The following SKP1 variants were observed in gnomAD, a reference collection of about 807,000 sequenced individuals.
SKP1 encodes the protein S-phase kinase-associated protein 1.
In SKP1, 1 loss-of-function variant was observed where a neutral mutation model predicts 21.5. The ratio of observed to expected loss-of-function variants is 0.05; its 90% confidence interval spans 0.02 to 0.22. The LOEUF (loss-of-function observed/expected upper bound fraction) is 0.22. Ranked by LOEUF, SKP1 falls within the 10% of genes least tolerant of loss-of-function variation. The pLI is 1.00. For missense variants in SKP1, 70 were observed against 192.0 expected (o/e 0.36, Z 3.76); for synonymous variants, 59 against 59.3 (o/e 0.99, Z 0.03).
At chr5:134,159,076 T>A (rs1761170752) in intron 4 of SKP1, among the ~76,000 whole-genome samples, 1 of 152,256 alleles carries the variant, frequency 6.6e-6, no homozygotes, top group African/African-American at 2.4e-5. Flanking sequence ...GTTAATTTCA[T>A]CTTTTACTAG....
chr5:134,163,309 G>A lies in SKP1; in HGVS notation c.172-2179C>T, dbSNP rs146672690. The stretch of plus-strand genomic sequence containing the variant: ...GGATATATAAAGAAACTAATGCCTA[G>A]GTTCACAACGGGTGGTGCCAGTAAA... On this transcript the variant is annotated intron_variant, in intron 3 of 5. Coordinates refer to ENST00000353411, the MANE Select transcript of SKP1 (RefSeq NM_170679.3). Among the ~76,000 whole-genome samples, 581 of 151,066 alleles carry A rather than the reference G, an allele frequency of 3.8e-3. 2 individuals are homozygous for A. Among genetic ancestry groups the A allele is most frequent in the African/African-American group, 0.014 (566 of 41,178 alleles).
chr5:134,160,142 G>A (rs186368069), intron 4 of SKP1, among the ~76,000 whole-genome samples: 20 of 151,918 alleles, frequency 1.3e-4, no homozygotes, highest in Admixed American at 6.5e-4. Context: ...GATCACCTGA[G>A]GTCAGGAGTT....
rs763981517 is a variant in SKP1, at chr5:134,174,002, C to T, written c.21G>A (p.Gln7=). Residue 7 remains glutamine, a synonymous_variant, in exon 2 of 6, where the codon CAG becomes CAA. Transcript: ENST00000353411. ...CTTCAAATATCTCTCCATCAGAACT[C>T]TGCAACTTAATTGAAGGCATCTAAA... MPSIKL[Q]SSDGEIFEVD... 5 of 1,606,198 alleles carry T rather than the reference C, an allele frequency of 3.1e-6. No individual in the cohort carries two copies. The highest frequency in any genetic ancestry group is 1.1e-5 in the South Asian group (1 of 90,830).
Position 134,157,629 on chromosome 5 carries a change from G to T in SKP1, c.*104C>A. The T allele has an allele frequency of 1.0e-6, 1 of 972,564 alleles. No homozygotes were observed. Among genetic ancestry groups the T allele is most frequent in the Non-Finnish European group, 1.7e-6 (1 of 598,766 alleles). The allele number at this position is 972,564 out of a possible 1,614,324, so 60.2% of individuals were successfully genotyped here. On this transcript the variant is annotated 3_prime_UTR_variant, in exon 6 of 6. Coordinates refer to ENST00000353411, the MANE Select transcript of SKP1 (RefSeq NM_170679.3). Reference sequence around the variant, plus strand: ...ATTCTGCTAATACAATTGACTTGCTGCTGCATTTGTCTACTGTTTGTCTAA... The same window carrying T: ...ATTCTGCTAATACAATTGACTTGCTTCTGCATTTGTCTACTGTTTGTCTAA...
chr5:134,172,809 G>A (rs1412702138), intron 2 of SKP1, among the ~76,000 whole-genome samples: 10 of 151,836 alleles, frequency 6.6e-5, no homozygotes, highest in African/African-American at 1.5e-4. Flanking sequence ...TCAGAAGATC[G>A]AGACCAGCCT....
rs561604590 is a variant in SKP1, at chr5:134,156,879, T to C, written c.*854A>G. ...CAAAAGCAAACTTAACTACCTACTA[T>C]ATAACTTACTTTTTATTGAAAGTAT... On this transcript the variant is annotated 3_prime_UTR_variant, in exon 6 of 6. Transcript: ENST00000353411. The C allele has an allele frequency of 2.0e-5, 3 of 152,800 alleles. No individual in the cohort carries two copies. In the South Asian group the frequency reaches 6.2e-4, roughly 32 times the overall value. 9.5% of individuals were successfully genotyped at this position (152,800 alleles called of 1,614,324 possible). A position where few individuals can be genotyped will look rare whatever the true frequency, so the allele number is the denominator to read the frequency against.
rs561542829 is a variant in SKP1, at chr5:134,151,499, T to A, written c.*6234A>T. On this transcript the variant is annotated 3_prime_UTR_variant, in exon 6 of 6. Coordinates refer to ENST00000353411, the MANE Select transcript of SKP1 (RefSeq NM_170679.3). ...GTACATTCAGGAAAGAAAGGACAAA[T>A]AAGAATTTTCACCAGATAGGTGGGA... is the stretch of plus-strand genomic sequence containing the variant. The A allele has an allele frequency of 5.2e-4, 169 of 323,480 alleles. No individual in the cohort carries two copies. The highest frequency in any genetic ancestry group is 3.3e-3 in the African/African-American group (151 of 46,078). The allele number at this position is 323,480 out of a possible 1,614,324, so 20.0% of individuals were successfully genotyped here. A position where few individuals can be genotyped will look rare whatever the true frequency, so the allele number is the denominator to read the frequency against.
chr5:134,170,567 A>G (rs937964658), intron 2 of SKP1, among the ~76,000 whole-genome samples: 1 of 152,228 alleles, frequency 6.6e-6, no homozygotes, highest in Admixed American at 6.5e-5. Context: ...ATAACCAGAG[A>G]TACTGCAGGT....
intron 3 of SKP1, among the ~76,000 whole-genome samples, chr5:134,165,352 G>C (rs891123807): frequency 2.0e-5 from 3 of 152,216 alleles, no homozygotes; most frequent in Admixed American, 6.5e-5. Context: ...CACTTTGGGA[G>C]GCCAAAGCAG....
In SKP1 at chr5:134,161,286, A is replaced by C. The variant is rs1580926082; in HGVS notation, c.172-156T>G. Reference sequence around the variant, plus strand: ...TGAAAAACAAAAATGAAGCTTGAAGAATCATTATAACCCTAGAAGGGAGAA... The same window carrying C: ...TGAAAAACAAAAATGAAGCTTGAAGCATCATTATAACCCTAGAAGGGAGAA... On this transcript the variant is annotated intron_variant, in intron 3 of 5. Transcript: ENST00000353411. The C allele has an allele frequency of 6.8e-6, 4 of 591,170 alleles. No homozygotes were observed. In the East Asian group the frequency reaches 1.1e-4, roughly 17 times the overall value. The allele number at this position is 591,170 out of a possible 1,614,324, so 36.6% of individuals were successfully genotyped here. A position where few individuals can be genotyped will look rare whatever the true frequency, so the allele number is the denominator to read the frequency against.
chr5:134,168,710 T>G (rs981330788), intron 2 of SKP1, among the ~76,000 whole-genome samples: 2 of 152,078 alleles, frequency 1.3e-5, no homozygotes, highest in African/African-American at 4.8e-5. Context: ...CAGTAGAATT[T>G]GCCAACAGAT....
chr5:134,170,000 CAAAAA>C lies in SKP1; in HGVS notation c.98-2762_98-2758del, dbSNP rs1312695127. Among the ~76,000 whole-genome samples, 3 of 76,904 alleles carry C rather than the reference CAAAAA, an allele frequency of 3.9e-5. 1 individual carries two copies. In the East Asian group the frequency reaches 1.1e-3, roughly 29 times the overall value. 50.5% of individuals were successfully genotyped at this position (76,904 alleles called of 152,430 possible). A position where few individuals can be genotyped will look rare whatever the true frequency, so the allele number is the denominator to read the frequency against. ...TGGGTGACAGAGTGAGACTCCATCT[CAAAAA>C]AAAAAAAAAAAAAATTAGCTGGGTG... On this transcript the variant is annotated intron_variant, in intron 2 of 5. Transcript: ENST00000353411.
At position 134,153,760 on chromosome 5, in the gene SKP1, T is replaced by C. The variant is rs766045184; in HGVS notation, c.*3973A>G. On this transcript the variant is annotated 3_prime_UTR_variant, in exon 6 of 6. Transcript: ENST00000353411. ...TGGGATCAGAACACAGCCCATAGGA[T>C]TGGTCAATTTTTACGTAAACTGAAA... is the stretch of plus-strand genomic sequence containing the variant. 2.0e-5 allele frequency: 3 copies of C among 152,186 alleles called. No homozygotes were observed. Among genetic ancestry groups the C allele is most frequent in the African/African-American group, 4.8e-5 (2 of 41,434 alleles). The allele number at this position is 152,186 out of a possible 1,614,324, so 9.4% of individuals were successfully genotyped here.
chr5:134,168,440 G>C (rs1345733896), intron 2 of SKP1, among the ~76,000 whole-genome samples: 4 of 152,054 alleles, frequency 2.6e-5, no homozygotes, highest in African/African-American at 9.7e-5. Context: ...AAACATAATG[G>C]TATGATCCTA....
chr5:134,164,613 G>C (rs1761292737), intron 3 of SKP1, among the ~76,000 whole-genome samples: 1 of 152,106 alleles, frequency 6.6e-6, no homozygotes, highest in African/African-American at 2.4e-5. Flanking sequence ...TACAAGCAAA[G>C]ATCCTTTTAG....
rs1243322029 is a variant in SKP1, at chr5:134,157,099, A to T, written c.*634T>A. On this transcript the variant is annotated 3_prime_UTR_variant, in exon 6 of 6. Coordinates refer to ENST00000353411, the MANE Select transcript of SKP1 (RefSeq NM_170679.3). ...TGTCCAGTTACATTTCTCCCAAAAA[A>T]CCACAAACTGGGTAGTAACTGAGTC... The T allele has an allele frequency of 1.3e-5, 2 of 152,658 alleles. No homozygotes were observed. The highest frequency in any genetic ancestry group is 6.5e-5 in the Admixed American group (1 of 15,286). 9.5% of individuals were successfully genotyped at this position (152,658 alleles called of 1,614,324 possible).
At chr5:134,165,753 G>GC (rs1761318495) in intron 3 of SKP1, among the ~76,000 whole-genome samples, 1 of 152,032 alleles carries the variant, frequency 6.6e-6, no homozygotes, top group African/African-American at 2.4e-5. Flanking sequence ...AGGCGTGGTG[G>GC]CGAGTGCCTG....
intron 2 of SKP1, among the ~76,000 whole-genome samples, chr5:134,172,588 A>AAC (rs1168710979): frequency 6.6e-6 from 1 of 151,662 alleles, no homozygotes; most frequent in Non-Finnish European, 1.5e-5. Flanking sequence ...AAAAAAAAAA[A>AAC]TTCTGCCTGG....
Position 134,150,871 on chromosome 5 carries a change from C to G in SKP1, c.*6862G>C, listed in dbSNP as rs757063465. 6.6e-6 allele frequency: 1 copy of G among 152,170 alleles called. No individual in the cohort carries two copies. Among genetic ancestry groups the G allele is most frequent in the Admixed American group, 6.5e-5 (1 of 15,270 alleles). The allele number at this position is 152,170 out of a possible 1,614,324, so 9.4% of individuals were successfully genotyped here. On this transcript the variant is annotated 3_prime_UTR_variant, in exon 6 of 6. Coordinates refer to ENST00000353411, the MANE Select transcript of SKP1 (RefSeq NM_170679.3). ...CATCTGAAAATACTCAAAACGGCAC[C>G]GAGTTTGAAAACAGGAAACATAGAT...
Sources: gnomAD v4.1 joint callset for allele counts (sites outside exome capture counted in the v4.1 genomes callset) on GRCh38, gnomAD v4.1.1 for gene constraint, MANE v1.5 for transcripts, NCBI Gene and HGNC (gene_info 2026-07-23, HGNC 2026-07-21) for gene names.